The following BCAS3 variants were observed in gnomAD, a reference collection of about 807,000 sequenced individuals.
BCAS3 encodes the protein BCAS3 microtubule associated cell migration factor.
Under a neutral mutation model 116.1 loss-of-function variants are expected in BCAS3, and 53 were observed. The observed-to-expected ratio is 0.46, with a 90% CI of 0.37 to 0.57. The LOEUF (loss-of-function observed/expected upper bound fraction) is 0.57, where lower values mean the gene tolerates loss of function less well. Among genes scored for constraint, BCAS3 ranks in the 20% least tolerant of loss-of-function variants. The probability of loss-of-function intolerance (pLI) is 0.00; values close to 1 mark genes in which losing one functional copy is unlikely to be tolerated. For missense variants in BCAS3, 917 were observed against 1,165.4 expected (o/e 0.79, Z 3.10); for synonymous variants, 391 against 408.2 (o/e 0.96, Z 0.51).
At chr17:60,940,174 A>G (rs1382691036) in intron 13 of BCAS3, among the ~76,000 whole-genome samples, 2 of 152,238 alleles carry the variant, frequency 1.3e-5, no homozygotes, top group Admixed American at 6.5e-5. Flanking sequence ...ATTTTTCCAC[A>G]TGAAACAAAT....
At chr17:60,910,918 G>A (rs181187517) in intron 12 of BCAS3, among the ~76,000 whole-genome samples, 14 of 152,078 alleles carry the variant, frequency 9.2e-5, no homozygotes, top group Admixed American at 9.2e-4. Context: ...AGGTAAAGTC[G>A]AGGTTCTAAG....
At chr17:60,794,390 C>T (rs746357387) in intron 6 of BCAS3, among the ~76,000 whole-genome samples, 12 of 151,978 alleles carry the variant, frequency 7.9e-5, no homozygotes, top group South Asian at 2.1e-4. Context: ...TTTTGCTATG[C>T]GAAAGCTCTT....
intron 6 of BCAS3, among the ~76,000 whole-genome samples, chr17:60,770,237 A>G (rs1251318998): frequency 6.6e-6 from 1 of 151,812 alleles, no homozygotes; most frequent in African/African-American, 2.4e-5. Flanking sequence ...TGTAATTAGG[A>G]TCATGAAACA....
intron 15 of BCAS3, among the ~76,000 whole-genome samples, chr17:61,002,039 G>A (rs1260726796): frequency 6.6e-6 from 1 of 152,034 alleles, no homozygotes; most frequent in Non-Finnish European, 1.5e-5. Flanking sequence ...GAAGTTTTAG[G>A]TTCTCAGTAA....
chr17:61,234,888 C>CTTATTTATTTATTTATTTACTTAT lies in BCAS3; in HGVS notation c.2426-133422_2426-133421insTACTTATTTATTTATTTATTTATT, dbSNP rs34227181. Among the ~76,000 whole-genome samples, 4 of 151,004 alleles carry CTTATTTATTTATTTATTTACTTAT rather than the reference C, an allele frequency of 2.6e-5. 1 individual carries two copies. The South Asian group carries it at 8.4e-4, about 32-fold the overall frequency. ...TTGTCCTAAGCACTTTATTTATTTA[C>CTTATTTATTTATTTATTTACTTAT]TTATTTATTTATTTATTGAGACGGA... On this transcript the variant is annotated intron_variant, in intron 22 of 23. Coordinates refer to ENST00000407086, the MANE Select transcript of BCAS3 (RefSeq NM_017679.5).
At chr17:60,928,140 T>A (rs1329464141) in intron 13 of BCAS3, among the ~76,000 whole-genome samples, 1 of 152,104 alleles carries the variant, frequency 6.6e-6, no homozygotes, top group East Asian at 1.9e-4. Flanking sequence ...TAAGAGATAG[T>A]CCCTATGCAT....
rs761078352 is a variant in BCAS3 at position 61,026,037 on chromosome 17, A to G, written c.1638-8629A>G. On this transcript the variant is annotated intron_variant, in intron 16 of 23. Transcript: ENST00000407086. The surrounding 1 kb of genome is among the most constrained non-coding windows in gnomAD (Gnocchi z 5.0). ...TCCAAATGTCAGATGTTACAGTACC[A>G]TTTGGTTTGGATATCATTAAATCAC... 2.9e-4 allele frequency among the ~76,000 whole-genome samples: 44 copies of G among 152,060 alleles called. No individual in the cohort carries two copies. Among genetic ancestry groups the G allele is most frequent in the Non-Finnish European group, 4.9e-4 (33 of 67,952 alleles).
At chr17:61,043,582 G>T (rs1050086515) in intron 19 of BCAS3, among the ~76,000 whole-genome samples, 7 of 151,954 alleles carry the variant, frequency 4.6e-5, no homozygotes, top group Non-Finnish European at 8.8e-5. Context: ...TGGGTACACA[G>T]GTTTTCTCCC....
chr17:60,827,984 A>T (rs530460770), intron 7 of BCAS3, among the ~76,000 whole-genome samples: 3 of 152,346 alleles, frequency 2.0e-5, no homozygotes, highest in Admixed American at 2.0e-4. Context: ...AAAACAACTA[A>T]AAGGCTTGCA....
intron 10 of BCAS3, among the ~76,000 whole-genome samples, chr17:60,891,178 G>A (rs139965903): frequency 6.4e-4 from 97 of 152,270 alleles, no homozygotes; most frequent in African/African-American, 2.2e-3. Context: ...TATCTGTAAA[G>A]CATTTCCCTT....
intron 14 of BCAS3, among the ~76,000 whole-genome samples, chr17:60,969,973 A>G (rs995184410): frequency 6.6e-6 from 1 of 152,186 alleles, no homozygotes; most frequent in African/African-American, 2.4e-5. Context: ...TAAAGGCGAG[A>G]CATCCACACT....
At chr17:61,338,709 G>A (rs1463355465) in intron 22 of BCAS3, among the ~76,000 whole-genome samples, 1 of 152,004 alleles carries the variant, frequency 6.6e-6, no homozygotes, top group African/African-American at 2.4e-5. Context: ...GTTGGATCTG[G>A]CAGTGCAGGC....
chr17:61,140,694 A>G lies in BCAS3; in HGVS notation c.2425+56130A>G, dbSNP rs2076871976. Reference sequence around the variant, plus strand: ...AGAGAAAACTCTCTTTGTAAAGTCAATTAAAAGCTAATTGTTTGTGATTTT... The same window carrying G: ...AGAGAAAACTCTCTTTGTAAAGTCAGTTAAAAGCTAATTGTTTGTGATTTT... On this transcript the variant is annotated intron_variant, in intron 22 of 23. Coordinates refer to ENST00000407086, the MANE Select transcript of BCAS3 (RefSeq NM_017679.5). This position sits in a 1 kb window ranked among gnomAD's most constrained non-coding sequence, Gnocchi z 4.2. Among the ~76,000 whole-genome samples the G allele has an allele frequency of 6.6e-6, 1 of 152,200 alleles. No homozygotes were observed. Among genetic ancestry groups the G allele is most frequent in the Admixed American group, 6.5e-5 (1 of 15,286 alleles).
At position 61,309,408 on chromosome 17, in the gene BCAS3, A is replaced by G. The variant is rs925263565; in HGVS notation, c.2426-58919A>G. Among the ~76,000 whole-genome samples, 7 of 152,048 alleles carry G rather than the reference A, an allele frequency of 4.6e-5. No homozygotes were observed. The East Asian group carries it at 1.4e-3, about 29-fold the overall frequency. ...ACTGAACACTACCGTGTCACTCCCC[A>G]TGTTGCCATTCTGTAGAAGAGGAAG... On this transcript the variant is annotated intron_variant, in intron 22 of 23. Coordinates refer to ENST00000407086, the MANE Select transcript of BCAS3 (RefSeq NM_017679.5). The surrounding 1 kb of genome is among the most constrained non-coding windows in gnomAD (Gnocchi z 4.6).
chr17:60,702,173 T>C (rs1481863421), intron 4 of BCAS3, among the ~76,000 whole-genome samples: 1 of 152,202 alleles, frequency 6.6e-6, no homozygotes, highest in Admixed American at 6.5e-5. Context: ...AATTGAATTT[T>C]AACTGCATAA....
At position 60,683,930 on chromosome 17, in the gene BCAS3, T is replaced by C. The variant is rs374918966; in HGVS notation, c.84-52T>C. 20 of 1,413,594 alleles carry C rather than the reference T, an allele frequency of 1.4e-5. 1 individual carries two copies. Among genetic ancestry groups the C allele is most frequent in the African/African-American group, 1.0e-4 (7 of 69,920 alleles). The allele number at this position is 1,413,594 out of a possible 1,614,324, so 87.6% of individuals were successfully genotyped here. On this transcript the variant is annotated intron_variant, in intron 2 of 23. Transcript: ENST00000407086. ...AGGCTTGTAAATAGAGCTTTTTTCATGTTCTATATTAAGCTCTCCTGACCA... is the reference window on the plus strand; with the variant it reads ...AGGCTTGTAAATAGAGCTTTTTTCACGTTCTATATTAAGCTCTCCTGACCA...
chr17:61,370,868 C>T (rs1440978733), intron 23 of BCAS3, among the ~76,000 whole-genome samples: 1 of 152,164 alleles, frequency 6.6e-6, no homozygotes, highest in South Asian at 2.1e-4. Flanking sequence ...GCCTACTGCC[C>T]GGAGGTAGTT....
rs1029465047 is a variant in BCAS3 at position 61,189,045 on chromosome 17, G to A, written c.2425+104481G>A. Among the ~76,000 whole-genome samples the A allele has an allele frequency of 2.6e-5, 4 of 152,198 alleles. No homozygotes were observed. The highest frequency in any genetic ancestry group is 2.1e-4 in the South Asian group (1 of 4,820). On this transcript the variant is annotated intron_variant, in intron 22 of 23. Transcript: ENST00000407086. This position sits in a 1 kb window ranked among gnomAD's most constrained non-coding sequence, Gnocchi z 4.5. ...TTGAGGCCGGGAGATTGAGGCTGCA[G>A]TGAGCTGCTATTATGCCCCTACACT...
chr17:61,338,887 GGAAAAAAAAAA>G (rs1216733112), intron 22 of BCAS3, among the ~76,000 whole-genome samples: 2 of 99,660 alleles, frequency 2.0e-5, no homozygotes, highest in African/African-American at 7.6e-5. Flanking sequence ...GCCCTTACTG[GGAAAAAAAAAA>G]AAAAAAAAAA....
Sources: allele counts gnomAD v4.1 joint callset (sites outside exome capture counted in the v4.1 genomes callset), GRCh38; gene constraint gnomAD v4.1.1; non-coding constraint Gnocchi (gnomAD v3.1); transcripts MANE v1.5; gene names NCBI Gene and HGNC (gene_info 2026-07-23, HGNC 2026-07-21).